The following THEM5 variants were observed in gnomAD, a reference collection of about 807,000 sequenced individuals.
THEM5 encodes the protein acyl-coenzyme A thioesterase THEM5.
In THEM5, 28 loss-of-function variants were observed where a neutral mutation model predicts 24.2. That is an observed-to-expected ratio of 1.16 (90% confidence interval 0.86 to 1.59). THEM5 has a LOEUF of 1.59. Among genes scored for constraint, THEM5 ranks in the 40% most tolerant of loss-of-function variants. The probability of loss-of-function intolerance (pLI) is 0.00; values close to 1 mark genes in which losing one functional copy is unlikely to be tolerated. For missense variants in THEM5, 260 were observed against 296.8 expected (o/e 0.88, Z 0.91); for synonymous variants, 87 against 114.5 (o/e 0.76, Z 1.53).
chr1:151,849,345 G>C (rs1317807050), intron 3 of THEM5, among the ~76,000 whole-genome samples: 4 of 152,146 alleles, frequency 2.6e-5, no homozygotes, highest in African/African-American at 9.7e-5. Flanking sequence ...ACACCAAGCA[G>C]ATTTGAGTTC....
intron 3 of THEM5, among the ~76,000 whole-genome samples, chr1:151,848,751 C>T (rs1653023275): frequency 3.3e-5 from 5 of 152,172 alleles, no homozygotes; most frequent in Admixed American, 1.3e-4. Flanking sequence ...ACAGCCAGTG[C>T]GGGGCCCACA....
chr1:151,853,167 C>T (rs1202767860), intron 1 of THEM5, among the ~76,000 whole-genome samples: 1 of 152,250 alleles, frequency 6.6e-6, no homozygotes, highest in Non-Finnish European at 1.5e-5. Flanking sequence ...TCTGGGGATA[C>T]CCCAGCTTTG....
intron 5 of THEM5, 91 bp from the exon 6 acceptor site, chr1:151,847,505 A>AGGTAATGGGTAAT: frequency 3.9e-6 from 6 of 1,546,612 alleles, no homozygotes; most frequent in Non-Finnish European, 5.4e-6. Flanking sequence ...CAAATTACCC[A>AGGTAATGGGTAAT]TTACCTGGGT....
chr1:151,847,904 G>A lies in THEM5; in HGVS notation c.576-42C>T, dbSNP rs749078735. ...CTTAGCCCATCTCTCATGTGAACCC[G>A]GTTCCCCATCCCTTCACTCTCTGTG... On this transcript the variant is annotated intron_variant, in intron 4 of 5. Transcript: ENST00000368817. The A allele has an allele frequency of 3.8e-5, 62 of 1,611,552 alleles. No individual in the cohort carries two copies. The Admixed American group carries it at 7.5e-4, about 20-fold the overall frequency.
At chr1:151,848,615 T>C (rs1276312580) in intron 3 of THEM5, among the ~76,000 whole-genome samples, 1 of 152,264 alleles carries the variant, frequency 6.6e-6, no homozygotes, top group Non-Finnish European at 1.5e-5. Context: ...GTTCATTACC[T>C]AATTGCTGGC....
chr1:151,850,193 C>G (rs1345840319), intron 3 of THEM5: 1 of 152,276 alleles, frequency 6.6e-6, no homozygotes, highest in African/African-American at 2.4e-5. Context: ...GCTTCAGGAC[C>G]CTAAAGCCAC....
chr1:151,847,816 T>G lies in THEM5; in HGVS notation c.622A>C (p.Lys208Gln). 6.2e-7 allele frequency: 1 copy of G among 1,614,074 alleles called. No homozygotes were observed. Among genetic ancestry groups the G allele is most frequent in the South Asian group, 1.1e-5 (1 of 91,080 alleles). Residue 208 changes from lysine (K) to glutamine (Q), a missense_variant, in exon 5 of 6, where the codon AAG becomes CAG. Lys to Gln is a moderately conservative substitution (Grantham distance 53). Coordinates refer to ENST00000368817, the MANE Select transcript of THEM5 (RefSeq NM_182578.4). ...SLVVMDVELD[K>Q]IEDQKLYMSC... is the part of the protein sequence containing the mutation. ...ATGTAAAGCTTCTGGTCCTCAATCT[T>G]GTCCAGTTCTACGTCCATTACAACC...
At chr1:151,847,988 A>G in intron 4 of THEM5, 126 bp from the exon 5 acceptor site, 1 of 1,522,290 alleles carries the variant, frequency 6.6e-7, no homozygotes, top group African/African-American at 1.4e-5. Context: ...CCCTGGGCTC[A>G]GGGCCTTTTT....
intron 4 of THEM5, 144 bp downstream of exon 4, chr1:151,848,038 C>T: frequency 1.4e-6 from 2 of 1,427,016 alleles, no homozygotes; most frequent in Non-Finnish European, 1.9e-6. Flanking sequence ...TGTGTCCTGG[C>T]CAGGGACTAG....
chr1:151,853,414 C>G (rs370420684), intron 1 of THEM5, 29 bp downstream of exon 1: 48 of 1,605,588 alleles, frequency 3.0e-5, no homozygotes, highest in Non-Finnish European at 3.9e-5. Flanking sequence ...TGGGAAAACA[C>G]TGCCCATCTG....
intron 1 of THEM5, 86 bp from the exon 2 acceptor site, chr1:151,852,545 G>A: frequency 2.3e-6 from 3 of 1,283,550 alleles, no homozygotes; most frequent in Non-Finnish European, 3.4e-6. Flanking sequence ...GCTGTTCCTG[G>A]GTGCTGGGGC....
At chr1:151,849,078 G>A (rs533506144) in intron 3 of THEM5, among the ~76,000 whole-genome samples, 1 of 152,158 alleles carries the variant, frequency 6.6e-6, no homozygotes, top group Admixed American at 6.5e-5. Context: ...AAATTAGACG[G>A]GTGTGGTGGC....
rs1243742058 is a variant in THEM5, at chr1:151,851,125, A to G, written c.392T>C (p.Ile131Thr). 13 of 1,614,226 alleles carry G rather than the reference A, an allele frequency of 8.1e-6. No homozygotes were observed. The highest frequency in any genetic ancestry group is 1.1e-5 in the Non-Finnish European group (13 of 1,180,042). Reference protein sequence around the residue: ...QVEGQGFEYVIFFQPTQKKSV... With the variant: ...QVEGQGFEYVTFFQPTQKKSV... The stretch of plus-strand genomic sequence containing the variant: ...CTTCTTCTGGGTTGGCTGGAAAAAG[A>G]TGACATACTCAAAGCCTTGTCCTTC... The change falls in exon 3 of 6, where the codon ATC becomes ACC. Residue 131 changes from isoleucine to threonine, a missense_variant. Transcript: ENST00000368817.
intron 1 of THEM5, 58 bp downstream of exon 1, chr1:151,853,385 T>C: frequency 1.3e-6 from 2 of 1,560,952 alleles, no homozygotes; most frequent in Non-Finnish European, 1.7e-6. Flanking sequence ...TTTGGGGTGC[T>C]CCTTAAGCCC....
chr1:151,853,378 G>A lies in THEM5; in HGVS notation c.123+65C>T, dbSNP rs1232601560. ...GCCATGGGCTGGGAAGAGGAGATTT[G>A]GGGTGCTCCTTAAGCCCTAGGCTCC... On this transcript the variant is annotated intron_variant, in intron 1 of 5. Coordinates refer to ENST00000368817, the MANE Select transcript of THEM5 (RefSeq NM_182578.4). 3.9e-6 allele frequency: 6 copies of A among 1,553,174 alleles called. No individual in the cohort carries two copies. The African/African-American group carries it at 5.5e-5, about 14-fold the overall frequency.
At chr1:151,852,554 G>A in intron 1 of THEM5, 95 bp from the exon 2 acceptor site, 1 of 1,179,760 alleles carries the variant, frequency 8.5e-7, no homozygotes, top group Non-Finnish European at 1.2e-6. Flanking sequence ...GGGTGCTGGG[G>A]CTTCTCAATC....
rs561316028 is a variant in THEM5, at chr1:151,851,130, A to G, written c.387T>C (p.Tyr129=). Residue 129 remains tyrosine, a synonymous_variant, in exon 3 of 6, where the codon TAT becomes TAC. Coordinates refer to ENST00000368817, the MANE Select transcript of THEM5 (RefSeq NM_182578.4). ...CIQVEGQGFE[Y]VIFFQPTQKK... Reference sequence around the variant, plus strand: ...TCTGGGTTGGCTGGAAAAAGATGACATACTCAAAGCCTTGTCCTTCCACTT... The same window carrying G: ...TCTGGGTTGGCTGGAAAAAGATGACGTACTCAAAGCCTTGTCCTTCCACTT... 3 of 1,614,058 alleles carry G rather than the reference A, an allele frequency of 1.9e-6. No homozygotes were observed. The highest frequency in any genetic ancestry group is 1.1e-5 in the South Asian group (1 of 91,092).
At position 151,847,738 on chromosome 1, in the gene THEM5, C is replaced by A. The variant is rs761681491; in HGVS notation, c.700G>T (p.Gly234Cys). 3 of 1,613,288 alleles carry A rather than the reference C, an allele frequency of 1.9e-6. No homozygotes were observed. The South Asian group carries it at 3.3e-5, about 18-fold the overall frequency. ...DQQTVYAKSS[G>C]VFLQLQLEEE... The stretch of plus-strand genomic sequence containing the variant: ...GGGGCTGGGCTGGGGGCTCCTTTAC[C>A]TGAGGACTTGGCATAAACTGTCTGC... Residue 234 changes from glycine (G) to cysteine (C), a missense_variant and splice_region_variant, in exon 5 of 6, where the codon GGT becomes TGT. Physicochemically the swap from Gly to Cys is radical, Grantham distance 159. Transcript: ENST00000368817.
chr1:151,851,283 T>C (rs914824184), intron 2 of THEM5, 92 bp from the exon 3 acceptor site: 11 of 1,545,686 alleles, frequency 7.1e-6, no homozygotes, highest in Non-Finnish European at 9.7e-6. Flanking sequence ...TGGTACAAGA[T>C]TAAGGAGAGA....
Sources: allele counts gnomAD v4.1 joint callset (sites outside exome capture counted in the v4.1 genomes callset), GRCh38; gene constraint gnomAD v4.1.1; transcripts MANE v1.5; gene names NCBI Gene and HGNC (gene_info 2026-07-23, HGNC 2026-07-21).